MPP7: variants seen among roughly 807,000 people sequenced by gnomAD.
The protein encoded by MPP7 is MAGUK p55 subfamily member 7.
A neutral mutation model predicts 76.5 loss-of-function variants in MPP7; 60 were observed. The observed-to-expected ratio is 0.78, with a 90% confidence interval of 0.64 to 0.97. The LOEUF (loss-of-function observed/expected upper bound fraction) is 0.97. Among genes scored for constraint, MPP7 ranks in the 50% least tolerant of loss-of-function variants. The pLI, the probability that MPP7 is intolerant of heterozygous loss-of-function variation, is 0.00. For missense variants in MPP7, 641 were observed against 694.0 expected (o/e 0.92, Z 0.86); for synonymous variants, 237 against 244.5 (o/e 0.97, Z 0.29).
At chr10:28,262,222 T>TAC (rs1839991130) in intron 1 of MPP7, among the ~76,000 whole-genome samples, 1 of 27,630 alleles carries the variant, frequency 3.6e-5, no homozygotes, top group Non-Finnish European at 6.4e-5. Context: ...TATATATATA[T>TAC]ATACATATAT....
chr10:28,120,341 AT>A lies in MPP7; in HGVS notation c.739del (p.Ile247PhefsTer19), dbSNP rs1180362952. On this transcript the variant is annotated frameshift_variant, in exon 10 of 17. Transcript: ENST00000683449. LOFTEE classifies it high-confidence loss of function. ...FDYNPNEDKA[I>X]PCKEAGLSFK... ...AGAAAGCCCAGCTTCCTTACATGGAATTGCCTTATCCTCATTAGGATTATAG... is the reference window on the plus strand; with the variant it reads ...AGAAAGCCCAGCTTCCTTACATGGAATGCCTTATCCTCATTAGGATTATAG... The A allele has an allele frequency of 6.2e-7, 1 of 1,613,930 alleles. No homozygotes were observed. The highest frequency in any genetic ancestry group is 8.5e-7 in the Non-Finnish European group (1 of 1,179,954).
intron 11 of MPP7, among the ~76,000 whole-genome samples, chr10:28,103,310 C>T (rs918664201): frequency 2.0e-5 from 3 of 151,082 alleles, no homozygotes; most frequent in Admixed American, 6.6e-5. Flanking sequence ...CATCCTGTCT[C>T]GGGGCCTTTG....
In MPP7 at chr10:28,180,176, G is replaced by A. The variant is rs142920118; in HGVS notation, c.156+21977C>T. On this transcript the variant is annotated intron_variant, in intron 3 of 16. Coordinates refer to ENST00000683449, the MANE Select transcript of MPP7 (RefSeq NM_001318170.2). The stretch of plus-strand genomic sequence containing the variant: ...TAAGCAAAAATAATTGTGAAATGTA[G>A]TAATGAAACAGGGGACTCTAAGAAC... 2.9e-3 allele frequency among the ~76,000 whole-genome samples: 438 copies of A among 152,298 alleles called. 1 individual carries two copies. The highest frequency in any genetic ancestry group is 9.8e-3 in the African/African-American group (406 of 41,572).
chr10:28,073,821 T>C (rs1852355716), intron 12 of MPP7, among the ~76,000 whole-genome samples: 1 of 152,032 alleles, frequency 6.6e-6, no homozygotes, highest in Admixed American at 6.5e-5. Flanking sequence ...CTGTGTGATC[T>C]GAACCCTGCC....
At chr10:28,262,242 T>TATATATATATAC (rs1840003353) in intron 1 of MPP7, among the ~76,000 whole-genome samples, 1 of 63,698 alleles carries the variant, frequency 1.6e-5, no homozygotes, top group Non-Finnish European at 2.5e-5. Context: ...TATATATATA[T>TATATATATATAC]ACATATATAT....
At chr10:28,091,995 T>C (rs1301228494) in intron 11 of MPP7, among the ~76,000 whole-genome samples, 14 of 152,168 alleles carry the variant, frequency 9.2e-5, no homozygotes, top group Non-Finnish European at 1.5e-5. Flanking sequence ...CAATCTCCCA[T>C]GGATATCATA....
rs76971097 is a variant in MPP7 at position 28,069,848 on chromosome 10, G to A, written c.1128C>T (p.Pro376=). The stretch of plus-strand genomic sequence containing the variant: ...TCAGTTCATTCAGCCCTACTCCCAC[G>A]GGACCTGAAAAACAGGGTAACAGAA... ...EKYRLVVLVG[P]VGVGLNELKR... The change falls in exon 13 of 17, where the codon CCC becomes CCT. Residue 376 remains proline (P), a synonymous_variant. Coordinates refer to ENST00000683449, the MANE Select transcript of MPP7 (RefSeq NM_001318170.2). The A allele has an allele frequency of 7.6e-4, 1,225 of 1,613,190 alleles. 8 individuals are homozygous for A. In the African/African-American group the frequency reaches 0.012, roughly 16 times the overall value.
chr10:28,270,935 C>G (rs943774218), intron 1 of MPP7, among the ~76,000 whole-genome samples: 2 of 152,062 alleles, frequency 1.3e-5, no homozygotes, highest in Admixed American at 6.6e-5. Context: ...GTTTTTTGGA[C>G]TTTTTAGTAC....
At position 28,056,507 on chromosome 10, in the gene MPP7, A is replaced by G. The variant is rs1241613047; in HGVS notation, c.1524T>C (p.Asp508=). The G allele has an allele frequency of 2.5e-6, 4 of 1,612,644 alleles. No individual in the cohort carries two copies. The highest frequency in any genetic ancestry group is 1.1e-5 in the South Asian group (1 of 90,758). Residue 508 remains aspartate (D), a synonymous_variant, in exon 16 of 17, where the codon GAT becomes GAC. Coordinates refer to ENST00000683449, the MANE Select transcript of MPP7 (RefSeq NM_001318170.2). ...TGAAGGGTTTTGCAGCACCTTGGTC[A>G]TCTCTGCTTGAAATAATCTTTGCAT... is the stretch of plus-strand genomic sequence containing the variant. ...RKNAKIISSR[D]DQGAAKPFTE...
At chr10:28,225,526 T>C (rs1006232315) in intron 2 of MPP7, among the ~76,000 whole-genome samples, 22 of 152,192 alleles carry the variant, frequency 1.4e-4, no homozygotes, top group African/African-American at 4.8e-4. Flanking sequence ...AACATTTCTC[T>C]AAAGAAGACA....
intron 2 of MPP7, among the ~76,000 whole-genome samples, chr10:28,217,742 T>G (rs1442588017): frequency 6.6e-6 from 1 of 152,082 alleles, no homozygotes; most frequent in Non-Finnish European, 1.5e-5. Flanking sequence ...AAACATATTT[T>G]CTTCCTAAAA....
intron 3 of MPP7, among the ~76,000 whole-genome samples, chr10:28,173,113 A>G (rs1836739155): frequency 6.6e-6 from 1 of 152,114 alleles, no homozygotes; most frequent in Non-Finnish European, 1.5e-5. Context: ...GCTTTCCAAA[A>G]GTAGTGGTTC....
chr10:28,132,425 C>T (rs1835222226), intron 5 of MPP7, among the ~76,000 whole-genome samples: 1 of 152,038 alleles, frequency 6.6e-6, no homozygotes, highest in East Asian at 1.9e-4. Flanking sequence ...AATATATATT[C>T]TATTTTTTAA....
chr10:28,124,138 A>G (rs1834932673), intron 7 of MPP7, 22 bp from the exon 8 acceptor site: 2 of 1,519,230 alleles, frequency 1.3e-6, no homozygotes, highest in African/African-American at 1.4e-5. Context: ...GAGATTTGGT[A>G]AATTAGCAGT....
In MPP7 at chr10:28,085,585, T is replaced by C. The variant is rs550397522; in HGVS notation, c.1123+4086A>G. On this transcript the variant is annotated intron_variant, in intron 12 of 16. Transcript: ENST00000683449. Reference sequence around the variant, plus strand: ...TATTTACTTAAGGCCTGGAAATCTATAGAGAATGAGGAAACACTCATTGGC... The same window carrying C: ...TATTTACTTAAGGCCTGGAAATCTACAGAGAATGAGGAAACACTCATTGGC... Among the ~76,000 whole-genome samples the C allele has an allele frequency of 3.0e-3, 454 of 152,202 alleles. 2 individuals are homozygous for C. The highest frequency in any genetic ancestry group is 0.01 in the African/African-American group (426 of 41,522).
chr10:28,077,014 G>C (rs1852521073), intron 12 of MPP7, among the ~76,000 whole-genome samples: 1 of 149,888 alleles, frequency 6.7e-6, no homozygotes, highest in African/African-American at 2.5e-5. Flanking sequence ...GACTGCTAGA[G>C]TGTGAGATAC....
chr10:28,248,402 C>T (rs1260009731), intron 1 of MPP7, among the ~76,000 whole-genome samples: 2 of 152,096 alleles, frequency 1.3e-5, no homozygotes, highest in Admixed American at 6.5e-5. Flanking sequence ...ATGATGTAAA[C>T]GCCAAGCAGG....
At chr10:28,316,463 A>C (rs1262479907) in intron 2 of MPP7, among the ~76,000 whole-genome samples, 1 of 137,336 alleles carries the variant, frequency 7.3e-6, no homozygotes, top group Non-Finnish European at 1.5e-5. Flanking sequence ...AAAAAAAAAA[A>C]AAAAAAAAAC....
chr10:28,254,763 A>G (rs1839731284), intron 1 of MPP7: 1 of 152,232 alleles, frequency 6.6e-6, no homozygotes, highest in Non-Finnish European at 1.5e-5. Context: ...GAAACTTGCC[A>G]TCTTACTCAC....
Sources: allele counts gnomAD v4.1 joint callset (sites outside exome capture counted in the v4.1 genomes callset), GRCh38; gene constraint gnomAD v4.1.1; transcripts MANE v1.5; gene names NCBI Gene and HGNC (gene_info 2026-07-23, HGNC 2026-07-21).